The following DCHS2 variants were observed in gnomAD, a reference collection of about 807,000 sequenced individuals.
The protein encoded by DCHS2 is protocadherin-23.
A neutral mutation model predicts 182.4 loss-of-function variants in DCHS2; 142 were observed. That is an observed-to-expected ratio of 0.78 (90% CI 0.68 to 0.89). The LOEUF (loss-of-function observed/expected upper bound fraction) is 0.89. Ranked by LOEUF, DCHS2 falls within the 40% of genes least tolerant of loss-of-function variation. DCHS2 has a pLI of 0.00. For synonymous variants in DCHS2, 1,740 were observed against 1,663.3 expected, an observed-to-expected ratio of 1.05 and a Z score of -1.12; for missense variants, 4,319 against 4,198.6, an observed-to-expected ratio of 1.03 and a Z score of -0.79.
intron 1 of DCHS2, among the ~76,000 whole-genome samples, chr4:154,433,395 C>CTTTTTTTTTTTTTT (rs61553613): frequency 5.8e-5 from 6 of 103,868 alleles, no homozygotes; most frequent in Non-Finnish European, 9.3e-5. Context: ...TTTTTTTTTC[C>CTTTTTTTTTTTTTT]TTTTTTTTTT....
chr4:154,461,217 T>C (rs1370514410), intron 1 of DCHS2, among the ~76,000 whole-genome samples: 3 of 152,204 alleles, frequency 2.0e-5, no homozygotes, highest in Non-Finnish European at 4.4e-5. Flanking sequence ...TCTAACAATG[T>C]AGAGTTTTTC....
Position 154,477,231 on chromosome 4 carries a change from C to T in DCHS2, c.2052+12073G>A, listed in dbSNP as rs113560631. On this transcript the variant is annotated intron_variant, in intron 1 of 19. Coordinates refer to ENST00000357232, the MANE Select transcript of DCHS2 (RefSeq NM_001358235.2). Reference sequence around the variant, plus strand: ...GACCTCTTGATGTAGCCTCACGTGGCGGAAAGAGATTCAACTCCTCTCTCT... The same window carrying T: ...GACCTCTTGATGTAGCCTCACGTGGTGGAAAGAGATTCAACTCCTCTCTCT... Among the ~76,000 whole-genome samples, 16 of 152,214 alleles carry T rather than the reference C, an allele frequency of 1.1e-4. 1 individual carries two copies. Among genetic ancestry groups the T allele is most frequent in the African/African-American group, 3.1e-4 (13 of 41,556 alleles).
intron 2 of DCHS2, among the ~76,000 whole-genome samples, chr4:154,375,424 T>C (rs1200777723): frequency 6.6e-6 from 1 of 151,810 alleles, no homozygotes; most frequent in Non-Finnish European, 1.5e-5. Flanking sequence ...GCAGTAAATA[T>C]ATCGAAAAAA....
At chr4:154,435,326 G>T (rs1448852053) in intron 1 of DCHS2, among the ~76,000 whole-genome samples, 1 of 152,150 alleles carries the variant, frequency 6.6e-6, no homozygotes. Flanking sequence ...GCTGGGCGCG[G>T]TGGCTCATGC....
At chr4:154,416,801 GT>G (rs1732850974) in intron 1 of DCHS2, among the ~76,000 whole-genome samples, 1 of 152,230 alleles carries the variant, frequency 6.6e-6, no homozygotes, top group Admixed American at 6.5e-5. Flanking sequence ...AGGCAGGAAA[GT>G]GTCTGCTCCA....
At chr4:154,286,994 T>G (rs1734434127) in intron 13 of DCHS2, among the ~76,000 whole-genome samples, 1 of 152,100 alleles carries the variant, frequency 6.6e-6, no homozygotes, top group South Asian at 2.1e-4. Context: ...GGAGCTCCAA[T>G]ACATCTGGAA....
chr4:154,269,553 A>AGAT (rs1733470361), intron 14 of DCHS2: 1 of 187,458 alleles, frequency 5.3e-6, no homozygotes, highest in Non-Finnish European at 1.1e-5. Context: ...CCTTACAGCT[A>AGAT]GATGTGTTCT....
At chr4:154,445,356 T>G (rs1332170328) in intron 1 of DCHS2, among the ~76,000 whole-genome samples, 2 of 152,242 alleles carry the variant, frequency 1.3e-5, no homozygotes, top group Non-Finnish European at 2.9e-5. Context: ...CTTCAGGGCA[T>G]TTAACAAAGG....
intron 14 of DCHS2, among the ~76,000 whole-genome samples, chr4:154,268,146 T>C (rs1733381530): frequency 6.6e-6 from 1 of 152,280 alleles, no homozygotes; most frequent in East Asian, 1.9e-4. Context: ...AAGTAGAATA[T>C]TCATTCTTAC....
chr4:154,439,673 T>C lies in DCHS2; in HGVS notation c.2052+49631A>G, dbSNP rs147612310. 2.4e-3 allele frequency among the ~76,000 whole-genome samples: 363 copies of C among 152,330 alleles called. 3 individuals carry two copies. Among genetic ancestry groups the C allele is most frequent in the African/African-American group, 7.9e-3 (329 of 41,586 alleles). ...TGTCATTTTCTTTTTAACTTTGTGC[T>C]GTCCCTTGTCAACAGAATTTTTTCA... is the stretch of plus-strand genomic sequence containing the variant. On this transcript the variant is annotated intron_variant, in intron 1 of 19. Coordinates refer to ENST00000357232, the MANE Select transcript of DCHS2 (RefSeq NM_001358235.2).
rs1728844359 is a variant in DCHS2 at position 154,491,706 on chromosome 4, G to T, written c.-351C>A. ...TGGTTGTTCCCCCCTGGTAAAGTCA[G>T]GTGCATTATTTCTTTTGCCAAAAAG... On this transcript the variant is annotated 5_prime_UTR_variant, in exon 1 of 20. It adds an upstream start codon to the 5' untranslated region. Transcript: ENST00000357232. 1 of 1,102,486 alleles carries T rather than the reference G, an allele frequency of 9.1e-7. No individual in the cohort carries two copies. Among genetic ancestry groups the T allele is most frequent in the African/African-American group, 1.6e-5 (1 of 60,930 alleles). 68.3% of individuals were successfully genotyped at this position (1,102,486 alleles called of 1,614,324 possible).
At chr4:154,255,369 A>G in intron 16 of DCHS2, 150 bp downstream of exon 16, 1 of 1,132,352 alleles carries the variant, frequency 8.8e-7, no homozygotes, top group Non-Finnish European at 1.2e-6. Context: ...TATCAAAAAG[A>G]GTAGATCAAA....
chr4:154,347,815 G>A (rs1389544971), intron 3 of DCHS2, among the ~76,000 whole-genome samples: 1 of 151,862 alleles, frequency 6.6e-6, no homozygotes, highest in Non-Finnish European at 1.5e-5. Flanking sequence ...ATCTGACCTG[G>A]TAGCCTGCCA....
intron 1 of DCHS2, among the ~76,000 whole-genome samples, chr4:154,406,538 G>T (rs553738650): frequency 5.3e-5 from 8 of 152,192 alleles, no homozygotes; most frequent in Non-Finnish European, 1.2e-4. Context: ...CTCTGTTGTA[G>T]CTCGAAGTGC....
chr4:154,322,711 T>G, intron 7 of DCHS2: 1 of 494,448 alleles, frequency 2.0e-6, no homozygotes, highest in South Asian at 3.2e-5. Flanking sequence ...TATAATAAAC[T>G]TTCACGAGTC....
intron 1 of DCHS2, 49 bp downstream of exon 1, chr4:154,489,255 C>A: frequency 7.1e-7 from 1 of 1,409,076 alleles, no homozygotes; most frequent in South Asian, 1.5e-5. Flanking sequence ...ACAACCCTCT[C>A]CATCCCTTCC....
chr4:154,283,885 G>T (rs1010462339), intron 13 of DCHS2, among the ~76,000 whole-genome samples: 2 of 152,048 alleles, frequency 1.3e-5, no homozygotes, highest in African/African-American at 4.8e-5. Context: ...GAATTTTCAG[G>T]AGCCATCCTC....
intron 2 of DCHS2, 49 bp downstream of exon 2, chr4:154,377,204 G>A: frequency 6.5e-7 from 1 of 1,540,782 alleles, no homozygotes; most frequent in Non-Finnish European, 8.9e-7. Flanking sequence ...TATACACAGT[G>A]GCTCACTTGT....
intron 3 of DCHS2, among the ~76,000 whole-genome samples, chr4:154,350,775 G>A (rs541995029): frequency 2.5e-4 from 38 of 152,248 alleles, no homozygotes; most frequent in Non-Finnish European, 3.8e-4. Flanking sequence ...ATATTGGAAA[G>A]TAAATTTACC....
Sources: gnomAD v4.1 joint callset for allele counts (sites outside exome capture counted in the v4.1 genomes callset) on GRCh38, gnomAD v4.1.1 for gene constraint, MANE v1.5 for transcripts, NCBI Gene and HGNC (gene_info 2026-07-23, HGNC 2026-07-21) for gene names.